The following ARB2A variants were observed in gnomAD, a reference collection of about 807,000 sequenced individuals.
ARB2A encodes the protein ARB2 cotranscriptional regulator A.
At chr5:93,961,444 A>T in the ARB2A span, among the ~76,000 whole-genome samples, 1 of 152,144 alleles carries the variant, frequency 6.6e-6, no homozygotes, top group Admixed American at 6.6e-5. Context: ...TTTATATTAA[A>T]ATGCTGCTCG....
At chr5:94,063,610 T>C in the ARB2A span, among the ~76,000 whole-genome samples, 1 of 151,896 alleles carries the variant, frequency 6.6e-6, no homozygotes, top group Non-Finnish European at 1.5e-5. Flanking sequence ...CCCTGGAACC[T>C]AAGGACAGGC....
chr5:93,701,474 A>G, the ARB2A span, among the ~76,000 whole-genome samples: 4 of 152,202 alleles, frequency 2.6e-5, no homozygotes, highest in African/African-American at 9.6e-5. Flanking sequence ...AATGAGTGCT[A>G]CAAGTTTATT....
chr5:93,740,758 G>C, the ARB2A span: 1 of 1,612,322 alleles, frequency 6.2e-7, no homozygotes, highest in Non-Finnish European at 8.5e-7. Context: ...AGCATCATTG[G>C]TTGGTCGACT....
the ARB2A span, among the ~76,000 whole-genome samples, chr5:94,002,876 A>G: frequency 2.0e-5 from 3 of 152,110 alleles, no homozygotes; most frequent in Non-Finnish European, 4.4e-5. Context: ...ACACTCATAA[A>G]GCGGGTAGAT....
At chr5:93,988,605 A>G in the ARB2A span, among the ~76,000 whole-genome samples, 1 of 152,202 alleles carries the variant, frequency 6.6e-6, no homozygotes, top group Non-Finnish European at 1.5e-5. Context: ...TGTTTTTGAC[A>G]CCAGACTTTA....
the ARB2A span, among the ~76,000 whole-genome samples, chr5:93,797,293 A>C: frequency 1.3e-5 from 2 of 152,166 alleles, no homozygotes; most frequent in East Asian, 1.9e-4. Context: ...TCATGTGTCT[A>C]TTCCTTAGCA....
the ARB2A span, among the ~76,000 whole-genome samples, chr5:93,766,255 T>C: frequency 6.6e-6 from 1 of 152,092 alleles, no homozygotes; most frequent in Non-Finnish European, 1.5e-5. Flanking sequence ...ACAGGCAACC[T>C]ACAAAATGGA....
the ARB2A span, among the ~76,000 whole-genome samples, chr5:94,006,999 A>G: frequency 6.6e-6 from 1 of 152,220 alleles, no homozygotes; most frequent in Non-Finnish European, 1.5e-5. Context: ...ATTCAATTAT[A>G]GAAACATTTA....
chr5:93,847,062 T>C, the ARB2A span, among the ~76,000 whole-genome samples: 1 of 152,226 alleles, frequency 6.6e-6, no homozygotes, highest in Non-Finnish European at 1.5e-5. Flanking sequence ...TTTGTTGTCA[T>C]TTCAACAGTG....
chr5:94,044,418 G>T, the ARB2A span, among the ~76,000 whole-genome samples: 16,180 of 152,016 alleles, frequency 0.11, 981 homozygotes, highest in Middle Eastern at 0.16. Context: ...CAACACTTTC[G>T]GACTGAGCTC....
chr5:94,062,234 C>T, the ARB2A span, among the ~76,000 whole-genome samples: 1 of 152,250 alleles, frequency 6.6e-6, no homozygotes, highest in South Asian at 2.1e-4. Context: ...GAACCTCAAC[C>T]TATATCTCAC....
At chr5:93,660,562 G>A in the ARB2A span, among the ~76,000 whole-genome samples, 1 of 152,156 alleles carries the variant, frequency 6.6e-6, no homozygotes, top group East Asian at 1.9e-4. Context: ...TAGAATGAAA[G>A]TTTGTGCAGG....
chr5:93,680,145 C>T, the ARB2A span, among the ~76,000 whole-genome samples: 1 of 152,042 alleles, frequency 6.6e-6, no homozygotes, highest in Non-Finnish European at 1.5e-5. Context: ...ATTCCATCAT[C>T]TTTGATAGGC....
At chr5:94,068,950 G>A in the ARB2A span, among the ~76,000 whole-genome samples, 3 of 151,364 alleles carry the variant, frequency 2.0e-5, no homozygotes, top group South Asian at 2.1e-4. Flanking sequence ...CTAGAGAATC[G>A]CTTGAACCCA....
the ARB2A span, among the ~76,000 whole-genome samples, chr5:93,666,578 G>A: frequency 6.6e-6 from 1 of 151,026 alleles, no homozygotes; most frequent in Non-Finnish European, 1.5e-5. Context: ...GAGAAAAGGA[G>A]ATTTATTATT....
chr5:94,004,084 GA>G, the ARB2A span, among the ~76,000 whole-genome samples: 1 of 152,124 alleles, frequency 6.6e-6, no homozygotes, highest in South Asian at 2.1e-4. Flanking sequence ...GCAATTCAAT[GA>G]AGGAAAGATG....
the ARB2A span, among the ~76,000 whole-genome samples, chr5:93,769,145 G>A: frequency 2.0e-5 from 3 of 151,964 alleles, no homozygotes; most frequent in African/African-American, 7.3e-5. Flanking sequence ...AGTTATAAAG[G>A]AAAAACTACA....
At chr5:93,794,508 T>A in the ARB2A span, among the ~76,000 whole-genome samples, 1 of 152,128 alleles carries the variant, frequency 6.6e-6, no homozygotes, top group African/African-American at 2.4e-5. Context: ...TGTTTTGTCA[T>A]ATTACCAGAG....
chr5:94,051,155 A>T, the ARB2A span, among the ~76,000 whole-genome samples: 4 of 152,334 alleles, frequency 2.6e-5, no homozygotes, highest in East Asian at 7.7e-4. Flanking sequence ...CAAGAAGCTT[A>T]GAGGTTACCT....
Sources: gnomAD v4.1 joint callset for allele counts (sites outside exome capture counted in the v4.1 genomes callset) on GRCh38, gnomAD v4.1.1 for gene constraint, MANE v1.5 for transcripts, NCBI Gene and HGNC (gene_info 2026-07-23, HGNC 2026-07-21) for gene names.